Variants in RAP1GAP2 observed in about 807,000 individuals in gnomAD.
RAP1GAP2 encodes rap1 GTPase-activating protein 2.
Under a neutral mutation model 95.0 loss-of-function variants are expected in RAP1GAP2, and 27 were observed. The observed-to-expected ratio is 0.28, with a 90% CI of 0.21 to 0.39. The LOEUF is 0.39. Ranked by LOEUF, RAP1GAP2 falls within the 10% of genes least tolerant of loss-of-function variation. The probability of loss-of-function intolerance (pLI) is 1.00; values close to 1 mark genes in which losing one functional copy is unlikely to be tolerated. For synonymous variants in RAP1GAP2, 373 were observed against 380.9 expected, an observed-to-expected ratio of 0.98 and a Z score of 0.24; for missense variants, 771 against 970.0, an observed-to-expected ratio of 0.79 and a Z score of 2.72.
chr17:2,890,987 A>G (rs2073695255), intron 2 of RAP1GAP2, among the ~76,000 whole-genome samples: 1 of 151,846 alleles, frequency 6.6e-6, no homozygotes, highest in Admixed American at 6.6e-5. Context: ...CGCCCGACCA[A>G]TGTTTACTTT....
chr17:2,994,401 A>G (rs1417810997), intron 12 of RAP1GAP2, among the ~76,000 whole-genome samples: 1 of 151,994 alleles, frequency 6.6e-6, no homozygotes, highest in Non-Finnish European at 1.5e-5. Context: ...AGAAGGGACA[A>G]CTCCTGGAAG....
chr17:2,960,050 G>A (rs533215700), intron 4 of RAP1GAP2, among the ~76,000 whole-genome samples: 2 of 150,932 alleles, frequency 1.3e-5, no homozygotes, highest in African/African-American at 2.4e-5. Context: ...TCTTGAACCC[G>A]GGAGGTGGAG....
chr17:2,957,906 G>C (rs1440221499), intron 4 of RAP1GAP2, 112 bp downstream of exon 4: 5 of 1,159,972 alleles, frequency 4.3e-6, no homozygotes, highest in Non-Finnish European at 4.7e-6. Flanking sequence ...CGGGGGTGCA[G>C]AGAAGAGACA....
intron 2 of RAP1GAP2, among the ~76,000 whole-genome samples, chr17:2,880,349 G>A (rs530381857): frequency 7.3e-4 from 111 of 151,988 alleles, no homozygotes; most frequent in South Asian, 1.7e-3. Context: ...GGGTGGGGCC[G>A]TTGGGACAAG....
At chr17:2,892,554 A>T (rs1472692997) in intron 2 of RAP1GAP2, among the ~76,000 whole-genome samples, 1 of 152,122 alleles carries the variant, frequency 6.6e-6, no homozygotes, top group African/African-American at 2.4e-5. Context: ...TGAGATGCCC[A>T]AGGTGGTTTC....
chr17:2,959,254 C>T (rs1008772087), intron 4 of RAP1GAP2, among the ~76,000 whole-genome samples: 1 of 152,136 alleles, frequency 6.6e-6, no homozygotes, highest in Non-Finnish European at 1.5e-5. Flanking sequence ...CATTCAGCCC[C>T]AGTTAACCAG....
At chr17:2,759,517 C>T (rs1433969907) in intron 1 of RAP1GAP2, among the ~76,000 whole-genome samples, 1 of 152,158 alleles carries the variant, frequency 6.6e-6, no homozygotes, top group Admixed American at 6.6e-5. Context: ...ATGGTACAAC[C>T]TCAGCTCACT....
At chr17:2,913,702 A>G (rs913608171) in intron 3 of RAP1GAP2, among the ~76,000 whole-genome samples, 8 of 152,190 alleles carry the variant, frequency 5.3e-5, no homozygotes, top group Non-Finnish European at 1.0e-4. Flanking sequence ...ATTGTATTGT[A>G]TACTTTGACT....
At chr17:2,919,879 G>A (rs1007544855) in intron 3 of RAP1GAP2, among the ~76,000 whole-genome samples, 2 of 151,868 alleles carry the variant, frequency 1.3e-5, no homozygotes, top group Non-Finnish European at 2.9e-5. Context: ...TTTTGTATTT[G>A]TAGTAGAGAT....
At chr17:2,889,871 A>G (rs866860972) in intron 2 of RAP1GAP2, among the ~76,000 whole-genome samples, 20,862 of 72,050 alleles carry the variant, frequency 0.29, 2,328 homozygotes, top group Non-Finnish European at 0.38. Flanking sequence ...GTGTATATAT[A>G]TATATATATA....
In RAP1GAP2 at chr17:3,008,170, G is replaced by C. The variant is rs374597833; in HGVS notation, c.1494+25G>C. The C allele has an allele frequency of 6.2e-7, 1 of 1,613,244 alleles. No individual in the cohort carries two copies. On this transcript the variant is annotated intron_variant, in intron 17 of 24. Transcript: ENST00000254695. This position sits in a 1 kb window ranked among gnomAD's most constrained non-coding sequence, Gnocchi z 4.2. ...GGTATGAGCGTCAGAGTGACTGATGGTTGCTGTGGGGTTGGGATTGGGGAA... is the reference window on the plus strand; with the variant it reads ...GGTATGAGCGTCAGAGTGACTGATGCTTGCTGTGGGGTTGGGATTGGGGAA...
intron 14 of RAP1GAP2, among the ~76,000 whole-genome samples, chr17:3,002,658 G>A (rs2046200711): frequency 6.6e-6 from 1 of 152,192 alleles, no homozygotes; most frequent in African/African-American, 2.4e-5. Flanking sequence ...GGGAGGGTGA[G>A]CTGAAGAAAG....
intron 3 of RAP1GAP2, among the ~76,000 whole-genome samples, chr17:2,954,185 G>A (rs867318745): frequency 9.9e-4 from 150 of 151,942 alleles, no homozygotes; most frequent in African/African-American, 3.2e-3. Flanking sequence ...GCTCACTGCA[G>A]GCTCCGCCTC....
Position 2,798,326 on chromosome 17 carries a change from T to C in RAP1GAP2, c.44+1755T>C, listed in dbSNP as rs1407271025. On this transcript the variant is annotated intron_variant, in intron 1 of 24. Transcript: ENST00000254695. Reference sequence around the variant, plus strand: ...GCCCCGTCGCGTTCACCTGGAAGCCTGGCATGTCACACAGGCTCAGTCGAT... The same window carrying C: ...GCCCCGTCGCGTTCACCTGGAAGCCCGGCATGTCACACAGGCTCAGTCGAT... Among the ~76,000 whole-genome samples, 5 of 152,304 alleles carry C rather than the reference T, an allele frequency of 3.3e-5. No individual in the cohort carries two copies. The East Asian group carries it at 7.7e-4, about 24-fold the overall frequency.
upstream of RAP1GAP2, among the ~76,000 whole-genome samples, chr17:2,795,819 C>T (rs899047677): frequency 1.3e-5 from 2 of 152,048 alleles, no homozygotes; most frequent in African/African-American, 4.8e-5. Flanking sequence ...TGCACGGGAG[C>T]GTGTGTGCCG....
rs781038438 is a variant in RAP1GAP2, at chr17:2,964,048, C to T, written c.472C>T (p.Arg158Trp). Residue 158 changes from arginine to tryptophan, a missense_variant, in exon 7 of 25, where the codon CGG becomes TGG. Physicochemically the swap from Arg to Trp is moderately radical, Grantham distance 101 (BLOSUM62 -3). Transcript: ENST00000254695. Reference sequence around the variant, plus strand: ...GTGCAAGGGTGAAGCCAGGGCCTACCGGAGGCACTTCCTGGGGAAGGTGAG... The same window carrying T: ...GTGCAAGGGTGAAGCCAGGGCCTACTGGAGGCACTTCCTGGGGAAGGTGAG... ...LECKGEARAYRRHFLGKDHLN... is the reference protein window; with the variant it reads ...LECKGEARAYWRHFLGKDHLN... 6.2e-6 allele frequency: 10 copies of T among 1,607,092 alleles called. No homozygotes were observed. The highest frequency in any genetic ancestry group is 3.3e-5 in the South Asian group (3 of 90,756).
At chr17:2,993,512 G>A (rs1597819468) in intron 12 of RAP1GAP2, among the ~76,000 whole-genome samples, 2 of 151,958 alleles carry the variant, frequency 1.3e-5, no homozygotes, top group South Asian at 4.1e-4. Context: ...GATGGAGGCT[G>A]CAGTGAGCTG....
At chr17:2,917,986 G>A (rs1597604681) in intron 3 of RAP1GAP2, among the ~76,000 whole-genome samples, 1 of 152,248 alleles carries the variant, frequency 6.6e-6, no homozygotes, top group South Asian at 2.1e-4. Flanking sequence ...GAAGTGCTGG[G>A]ATTACAGGCA....
chr17:2,979,063 T>C (rs1408820023), intron 8 of RAP1GAP2, among the ~76,000 whole-genome samples: 1 of 152,162 alleles, frequency 6.6e-6, no homozygotes, highest in African/African-American at 2.4e-5. Context: ...TTTTTACCCA[T>C]GGAATCAAAA....
Sources: allele counts gnomAD v4.1 joint callset (sites outside exome capture counted in the v4.1 genomes callset), GRCh38; gene constraint gnomAD v4.1.1; non-coding constraint Gnocchi (gnomAD v3.1); transcripts MANE v1.5; gene names NCBI Gene and HGNC (gene_info 2026-07-23, HGNC 2026-07-21).